The following LAPTM4B variants were observed in gnomAD, a reference collection of about 807,000 sequenced individuals.
The protein encoded by LAPTM4B is lysosomal protein transmembrane 4 beta.
A neutral mutation model predicts 28.5 loss-of-function variants in LAPTM4B; 26 were observed. That is an observed-to-expected ratio of 0.91 (90% CI 0.67 to 1.27). The LOEUF (loss-of-function observed/expected upper bound fraction) is 1.27, where lower values mean the gene tolerates loss of function less well. Among genes scored for constraint, LAPTM4B ranks in the 50% most tolerant of loss-of-function variants. The pLI is 0.00. For missense variants in LAPTM4B, 288 were observed against 285.8 expected (o/e 1.01, Z -0.06); for synonymous variants, 109 against 106.4 (o/e 1.02, Z -0.15).
At chr8:97,776,212 A>G (rs1028909370) in intron 1 of LAPTM4B, 104 bp downstream of exon 1, 10 of 1,269,484 alleles carry the variant, frequency 7.9e-6, no homozygotes, top group East Asian at 3.1e-5. Context: ...TCATCCGCCT[A>G]AAGTTGTATT....
chr8:97,806,181 A>G (rs1816753994), intron 2 of LAPTM4B, among the ~76,000 whole-genome samples: 1 of 152,180 alleles, frequency 6.6e-6, no homozygotes, highest in Non-Finnish European at 1.5e-5. Flanking sequence ...CATTCGAAAG[A>G]CATGGTGAGG....
chr8:97,815,377 T>A lies in LAPTM4B; in HGVS notation c.261T>A (p.Ala87=). The A allele has an allele frequency of 6.2e-7, 1 of 1,613,890 alleles. No homozygotes were observed. Residue 87 remains alanine (A), a synonymous_variant, in exon 3 of 7, where the codon GCT becomes GCA. Transcript: ENST00000521545. ...CTCTTCTCATGATCCTGATATGTGC[T>A]ATGGCTACTTACGGAGCGTACAAGG... ...AISLLMILIC[A]MATYGAYKQR...
intron 1 of LAPTM4B, among the ~76,000 whole-genome samples, chr8:97,791,307 A>G (rs1308777297): frequency 1.3e-5 from 2 of 152,130 alleles, no homozygotes; most frequent in East Asian, 3.9e-4. Context: ...AATGTTCTTT[A>G]AGACATGAAA....
At chr8:97,798,678 G>A (rs1476708181) in intron 1 of LAPTM4B, among the ~76,000 whole-genome samples, 1 of 151,790 alleles carries the variant, frequency 6.6e-6, no homozygotes, top group African/African-American at 2.4e-5. Flanking sequence ...GACACACTGA[G>A]CCAGCAGCCA....
intron 6 of LAPTM4B, 56 bp from the exon 7 acceptor site, chr8:97,851,341 C>T (rs776141477): frequency 3.2e-5 from 44 of 1,381,088 alleles, no homozygotes; most frequent in Middle Eastern, 1.8e-4. Context: ...AGCTAAACCT[C>T]GGGGAACGTG....
At chr8:97,786,368 A>T (rs973785217) in intron 1 of LAPTM4B, among the ~76,000 whole-genome samples, 89 of 151,614 alleles carry the variant, frequency 5.9e-4, no homozygotes, top group African/African-American at 2.0e-3. Context: ...ATGCTTGAGG[A>T]AATGTAATTT....
intron 6 of LAPTM4B, among the ~76,000 whole-genome samples, chr8:97,827,871 C>T (rs760650073): frequency 2.6e-4 from 40 of 151,974 alleles, no homozygotes; most frequent in Non-Finnish European, 5.0e-4. Flanking sequence ...GGGAAGGGGT[C>T]ACAGGCGGGA....
Position 97,823,810 on chromosome 8 carries a change from G to A in LAPTM4B, c.508-1248G>A, listed in dbSNP as rs553409571. 7.0e-4 allele frequency among the ~76,000 whole-genome samples: 105 copies of A among 150,834 alleles called. 1 individual carries two copies. In the South Asian group the frequency reaches 0.021, roughly 31 times the overall value. ...CCTCCCGGGTTCAAGCAATTCTCCC[G>A]CCTCAGCCTCCTGAGTAGCTGGGAC... On this transcript the variant is annotated intron_variant, in intron 5 of 6. Coordinates refer to ENST00000521545, the MANE Select transcript of LAPTM4B (RefSeq NM_018407.6).
At chr8:97,845,122 C>T (rs1817407590) in intron 6 of LAPTM4B, among the ~76,000 whole-genome samples, 2 of 152,258 alleles carry the variant, frequency 1.3e-5, no homozygotes, top group African/African-American at 4.8e-5. Flanking sequence ...ATGTGAGATG[C>T]CTTTTGAATA....
intron 2 of LAPTM4B, 153 bp from the exon 3 acceptor site, chr8:97,815,175 C>T (rs909453545): frequency 3.2e-6 from 2 of 627,978 alleles, no homozygotes; most frequent in African/African-American, 1.8e-5. Flanking sequence ...ACCAATATCC[C>T]TTTTTCTATT....
At chr8:97,842,504 T>A (rs1483319341) in intron 6 of LAPTM4B, among the ~76,000 whole-genome samples, 1 of 152,084 alleles carries the variant, frequency 6.6e-6, no homozygotes, top group Non-Finnish European at 1.5e-5. Context: ...ACCTAATCTT[T>A]GTTTTTTTGT....
chr8:97,808,976 AAAG>A (rs1816791866), intron 2 of LAPTM4B, among the ~76,000 whole-genome samples: 5 of 152,160 alleles, frequency 3.3e-5, no homozygotes, highest in African/African-American at 9.7e-5. Flanking sequence ...GAAAAAGAAA[AAAG>A]AAAGTAATTA....
intron 1 of LAPTM4B, among the ~76,000 whole-genome samples, chr8:97,781,251 T>C (rs777779867): frequency 2.7e-5 from 4 of 147,544 alleles, no homozygotes; most frequent in Non-Finnish European, 5.9e-5. Context: ...AGTGCTGAGA[T>C]TACAGGCGTG....
intron 1 of LAPTM4B, among the ~76,000 whole-genome samples, chr8:97,776,691 C>T (rs1347642043): frequency 1.2e-5 from 1 of 81,780 alleles, no homozygotes; most frequent in East Asian, 4.0e-4. Flanking sequence ...GTGAATGGGT[C>T]CCCCCCCCGA....
chr8:97,789,375 G>GT (rs71271150), intron 1 of LAPTM4B, among the ~76,000 whole-genome samples: 60,567 of 150,066 alleles, frequency 0.4, 12,452 homozygotes, highest in Non-Finnish European at 0.45. Context: ...CGCCTGGCCT[G>GT]TTTTTTTGAG....
intron 6 of LAPTM4B, among the ~76,000 whole-genome samples, chr8:97,843,597 C>T (rs77510109): frequency 0.17 from 25,694 of 151,840 alleles, 2,282 homozygotes; most frequent in East Asian, 0.23. Context: ...CTGGCCAACA[C>T]GGTGAAACTC....
At chr8:97,796,441 G>A (rs74828846) in intron 1 of LAPTM4B, among the ~76,000 whole-genome samples, 9,522 of 152,060 alleles carry the variant, frequency 0.063, 922 homozygotes, top group East Asian at 0.38. Context: ...TTTCTCCCTT[G>A]TTATATCTAT....
At chr8:97,796,959 A>G (rs1449886764) in intron 1 of LAPTM4B, among the ~76,000 whole-genome samples, 1 of 151,870 alleles carries the variant, frequency 6.6e-6, no homozygotes, top group African/African-American at 2.4e-5. Flanking sequence ...ATAAATCTCA[A>G]TAAATAATAA....
At chr8:97,819,306 C>T (rs1816968867) in intron 5 of LAPTM4B, 68 bp downstream of exon 5, 1 of 956,748 alleles carries the variant, frequency 1.0e-6, no homozygotes, top group South Asian at 1.5e-5. Context: ...AATAAGTAAA[C>T]AAACTTTGGT....
Sources: gnomAD v4.1 joint callset for allele counts (sites outside exome capture counted in the v4.1 genomes callset) on GRCh38, gnomAD v4.1.1 for gene constraint, MANE v1.5 for transcripts, NCBI Gene and HGNC (gene_info 2026-07-23, HGNC 2026-07-21) for gene names.